The following TANC2 variants were observed in gnomAD, a reference collection of about 807,000 sequenced individuals.
TANC2 encodes protein TANC2.
In TANC2, 26 loss-of-function variants were observed where a neutral mutation model predicts 210.5. That is an observed-to-expected ratio of 0.12 (90% CI 0.09 to 0.17). The LOEUF (loss-of-function observed/expected upper bound fraction) is 0.17. Among genes scored for constraint, TANC2 ranks in the 10% least tolerant of loss-of-function variants. The probability of loss-of-function intolerance (pLI) is 1.00; values close to 1 mark genes in which losing one functional copy is unlikely to be tolerated. For synonymous variants in TANC2, 931 were observed against 967.1 expected, an observed-to-expected ratio of 0.96 and a Z score of 0.69; for missense variants, 2,129 against 2,608.9, an observed-to-expected ratio of 0.82 and a Z score of 4.01.
chr17:63,237,163 A>G (rs1419590387), intron 7 of TANC2, among the ~76,000 whole-genome samples: 1 of 152,066 alleles, frequency 6.6e-6, no homozygotes, highest in East Asian at 1.9e-4. Context: ...TGATTTTTTA[A>G]TAGTAGCCAT....
chr17:63,363,601 A>G (rs1260089611), intron 14 of TANC2, among the ~76,000 whole-genome samples: 1 of 152,162 alleles, frequency 6.6e-6, no homozygotes, highest in East Asian at 1.9e-4. Context: ...TCCCAGCACC[A>G]TTTATTGAAG....
intron 14 of TANC2, among the ~76,000 whole-genome samples, chr17:63,356,416 T>C (rs1391790766): frequency 2.6e-5 from 4 of 152,184 alleles, no homozygotes; most frequent in Admixed American, 2.6e-4. Context: ...AGGCCAGATT[T>C]GACTATGCCT....
intron 3 of TANC2, among the ~76,000 whole-genome samples, chr17:63,094,274 A>C (rs2037307639): frequency 6.6e-6 from 1 of 152,112 alleles, no homozygotes; most frequent in South Asian, 2.1e-4. Context: ...TGGACTTGTA[A>C]GGATGTTACA....
intron 25 of TANC2, 92 bp from the exon 26 acceptor site, chr17:63,415,436 C>T: frequency 1.3e-6 from 2 of 1,514,672 alleles, no homozygotes; most frequent in Non-Finnish European, 1.8e-6. Context: ...CCCTTAGTAA[C>T]AGCTGCTGAG....
intron 15 of TANC2, among the ~76,000 whole-genome samples, chr17:63,384,997 G>T (rs1283364140): frequency 2.0e-5 from 3 of 152,162 alleles, no homozygotes; most frequent in Non-Finnish European, 2.9e-5. Context: ...GAACTTTAGA[G>T]TAAAAACAGA....
intron 1 of TANC2, chr17:63,004,703 C>A: frequency 3.2e-6 from 1 of 317,370 alleles, no homozygotes; most frequent in East Asian, 8.3e-5. Flanking sequence ...CAAAAATGCA[C>A]ACACTTCACT....
chr17:63,282,752 C>T (rs1055455418), intron 9 of TANC2, among the ~76,000 whole-genome samples: 3 of 152,006 alleles, frequency 2.0e-5, no homozygotes, highest in Non-Finnish European at 2.9e-5. Flanking sequence ...TGTCTCACTG[C>T]GCCTTTAATT....
Position 63,421,423 on chromosome 17 carries a change from C to G in TANC2, c.5693C>G (p.Pro1898Arg). The G allele has an allele frequency of 1.2e-6, 2 of 1,614,014 alleles. No homozygotes were observed. Among genetic ancestry groups the G allele is most frequent in the South Asian group, 1.1e-5 (1 of 91,084 alleles). Reference sequence around the variant, plus strand: ...CAGCAAATGGAGATCCCACTGAAACCTGCATATGAGAGGTCATGTGACGAG... The same window carrying G: ...CAGCAAATGGAGATCCCACTGAAACGTGCATATGAGAGGTCATGTGACGAG... Residue 1898 changes from proline (P) to arginine (R), a missense_variant, in exon 28 of 28, where the codon CCT (proline) becomes CGT (arginine). Transcript: ENST00000689528. This position sits in a 1 kb window ranked among gnomAD's most constrained non-coding sequence, Gnocchi z 6.9.
chr17:63,200,974 A>G lies in TANC2; in HGVS notation c.769+17A>G. 2 of 1,587,568 alleles carry G rather than the reference A, an allele frequency of 1.3e-6. No homozygotes were observed. Among genetic ancestry groups the G allele is most frequent in the Non-Finnish European group, 1.7e-6 (2 of 1,168,664 alleles). On this transcript the variant is annotated intron_variant, in intron 7 of 27. Transcript: ENST00000689528. ...GCATCATTGGTGAGTTGGTTTTTAT[A>G]TTGATAATTTTGTGTCCTTTTTTTC... is the stretch of plus-strand genomic sequence containing the variant.
At chr17:63,054,108 C>T (rs2035681238) in intron 2 of TANC2, among the ~76,000 whole-genome samples, 1 of 152,234 alleles carries the variant, frequency 6.6e-6, no homozygotes, top group Non-Finnish European at 1.5e-5. Flanking sequence ...AGTCACTTTA[C>T]ATCTCTGAAT....
At chr17:63,283,137 T>C (rs1424720503) in intron 9 of TANC2, among the ~76,000 whole-genome samples, 1 of 152,078 alleles carries the variant, frequency 6.6e-6, no homozygotes, top group Non-Finnish European at 1.5e-5. Context: ...ATGCAAGATA[T>C]GTGTCAACAT....
chr17:63,226,850 A>G lies in TANC2; in HGVS notation c.770-10964A>G, dbSNP rs139398663. Among the ~76,000 whole-genome samples the G allele has an allele frequency of 3.8e-3, 575 of 152,050 alleles. 4 individuals carry two copies. The highest frequency in any genetic ancestry group is 0.013 in the African/African-American group (555 of 41,484). Reference sequence around the variant, plus strand: ...TCCCACTTATAAGTGAGAACATGCAATGTTTGGTTTTCTATTCCTGTGTTA... The same window carrying G: ...TCCCACTTATAAGTGAGAACATGCAGTGTTTGGTTTTCTATTCCTGTGTTA... On this transcript the variant is annotated intron_variant, in intron 7 of 27. Transcript: ENST00000689528.
intron 3 of TANC2, among the ~76,000 whole-genome samples, chr17:63,083,636 C>CT (rs1401963458): frequency 6.6e-6 from 1 of 152,202 alleles, no homozygotes; most frequent in Admixed American, 6.5e-5. Flanking sequence ...CACTTCAGAA[C>CT]TTTAAGTTCT....
intron 2 of TANC2, among the ~76,000 whole-genome samples, chr17:63,020,744 T>C (rs988884459): frequency 6.6e-6 from 1 of 152,228 alleles, no homozygotes; most frequent in East Asian, 1.9e-4. Flanking sequence ...AAAGGAATAC[T>C]TGAGACTGAG....
At chr17:63,259,674 A>G (rs1165814509) in intron 8 of TANC2, among the ~76,000 whole-genome samples, 1 of 152,120 alleles carries the variant, frequency 6.6e-6, no homozygotes, top group East Asian at 1.9e-4. Context: ...TAATAAACGA[A>G]CTCTCCTAGA....
At chr17:63,206,904 A>G (rs2041731969) in intron 7 of TANC2, among the ~76,000 whole-genome samples, 1 of 152,184 alleles carries the variant, frequency 6.6e-6, no homozygotes, top group African/African-American at 2.4e-5. Context: ...ACAGTAAAAC[A>G]TTTTTAAAAG....
At chr17:63,337,971 A>G (rs1025469727) in intron 11 of TANC2, among the ~76,000 whole-genome samples, 2 of 152,210 alleles carry the variant, frequency 1.3e-5, no homozygotes, top group Non-Finnish European at 2.9e-5. Context: ...ACAGCTGCAT[A>G]GTATTCCATG....
chr17:63,011,187 G>C (rs1308626306), intron 2 of TANC2, among the ~76,000 whole-genome samples: 2 of 152,176 alleles, frequency 1.3e-5, no homozygotes, highest in Non-Finnish European at 2.9e-5. Flanking sequence ...CTGTGTGCCA[G>C]GAAATGAGCA....
exon 12 of TANC2, chr17:63,340,116 T>C: frequency 3.7e-6 from 6 of 1,613,804 alleles, no homozygotes; most frequent in Non-Finnish European, 5.1e-6. Flanking sequence ...TGCCTATCAC[T>C]ATTGTCAAGC....
Sources: gnomAD v4.1 joint callset for allele counts (sites outside exome capture counted in the v4.1 genomes callset) on GRCh38, gnomAD v4.1.1 for gene constraint, Gnocchi (gnomAD v3.1) non-coding constraint, MANE v1.5 for transcripts, NCBI Gene and HGNC (gene_info 2026-07-23, HGNC 2026-07-21) for gene names.